Variants in RPS6KA5 observed in about 807,000 individuals in gnomAD.
RPS6KA5 encodes the protein ribosomal protein S6 kinase alpha-5.
A neutral mutation model predicts 85.5 loss-of-function variants in RPS6KA5; 27 were observed. The observed-to-expected ratio is 0.32, with a 90% CI of 0.23 to 0.44. The LOEUF is 0.44. Among genes scored for constraint, RPS6KA5 ranks in the 20% least tolerant of loss-of-function variants. The pLI, the probability that RPS6KA5 is intolerant of heterozygous loss-of-function variation, is 1.00. For synonymous variants in RPS6KA5, 334 were observed against 348.2 expected (o/e 0.96, Z 0.46); for missense variants, 811 against 980.9 (o/e 0.83, Z 2.31).
Position 90,875,241 on chromosome 14 carries a change from G to A in RPS6KA5, c.1956C>T (p.Ala652=), listed in dbSNP as rs778270417. The A allele has an allele frequency of 2.5e-6, 4 of 1,613,666 alleles. No individual in the cohort carries two copies. The East Asian group carries it at 8.9e-5, about 36-fold the overall frequency. Residue 652 remains alanine (A), a synonymous_variant, in exon 15 of 17, where the codon GCC becomes GCT. Coordinates refer to ENST00000614987, the MANE Select transcript of RPS6KA5 (RefSeq NM_004755.4). The part of the protein sequence containing the change: ...KKGDFSFEGE[A]WKNVSQEAKD... ...TAGCCTCTTGGGATACATTCTTCCA[G>A]GCTTCTCCTTCAAAGGAGAAATCTC... is the stretch of plus-strand genomic sequence containing the variant.
At chr14:90,993,707 G>A (rs2040400414) in intron 2 of RPS6KA5, among the ~76,000 whole-genome samples, 1 of 152,020 alleles carries the variant, frequency 6.6e-6, no homozygotes, top group Non-Finnish European at 1.5e-5. Flanking sequence ...TCTGTCTCAT[G>A]TTCATCAGTT....
intron 2 of RPS6KA5, among the ~76,000 whole-genome samples, chr14:91,000,311 A>C (rs1005877499): frequency 1.6e-4 from 24 of 152,212 alleles, no homozygotes; most frequent in African/African-American, 5.5e-4. Flanking sequence ...TAGAACATAG[A>C]GATCCATGTT....
intron 3 of RPS6KA5, among the ~76,000 whole-genome samples, chr14:90,974,425 G>C (rs968897154): frequency 6.6e-6 from 1 of 152,182 alleles, no homozygotes; most frequent in Non-Finnish European, 1.5e-5. Context: ...ATATGAAAAT[G>C]GACTTGTGTG....
intron 2 of RPS6KA5, among the ~76,000 whole-genome samples, chr14:90,986,536 A>G (rs914159185): frequency 4.7e-4 from 72 of 152,232 alleles, no homozygotes; most frequent in African/African-American, 1.6e-3. Flanking sequence ...ATCTCAAAAG[A>G]CAAGCTGTTT....
At chr14:91,035,859 AAAAAAAAAAAAAAAAAAAAAAAC>A (rs2042380513) in intron 1 of RPS6KA5, among the ~76,000 whole-genome samples, 1 of 126,672 alleles carries the variant, frequency 7.9e-6, no homozygotes, top group African/African-American at 2.9e-5. Context: ...AAAAAAAAAA[AAAAAAAAAAAAAAAAAAAAAAAC>A]CCCAAAGCTG....
chr14:90,999,108 T>C (rs778483129), intron 2 of RPS6KA5, among the ~76,000 whole-genome samples: 4 of 152,074 alleles, frequency 2.6e-5, no homozygotes, highest in Non-Finnish European at 4.4e-5. Flanking sequence ...CTCAGGAGGC[T>C]GAGGCAGAAG....
chr14:90,951,545 A>G (rs2038190530), intron 3 of RPS6KA5, among the ~76,000 whole-genome samples: 1 of 152,106 alleles, frequency 6.6e-6, no homozygotes, highest in Admixed American at 6.5e-5. Flanking sequence ...CGCCCATCTA[A>G]AACTTTAATT....
At chr14:90,877,434 A>G (rs2033551314) in intron 14 of RPS6KA5, among the ~76,000 whole-genome samples, 1 of 152,200 alleles carries the variant, frequency 6.6e-6, no homozygotes, top group Admixed American at 6.5e-5. Flanking sequence ...CTGGAGTCTC[A>G]TAACTGATGC....
At chr14:90,982,913 A>T (rs2039859338) in intron 2 of RPS6KA5, among the ~76,000 whole-genome samples, 1 of 152,118 alleles carries the variant, frequency 6.6e-6, no homozygotes, top group African/African-American at 2.4e-5. Flanking sequence ...GGAGATGGAG[A>T]CCATCCTGGC....
At chr14:90,943,224 CA>C in intron 4 of RPS6KA5, 39 bp from the exon 5 acceptor site, 6 of 1,208,396 alleles carry the variant, frequency 5.0e-6, no homozygotes, top group Admixed American at 1.9e-5. Context: ...AAATAATTTA[CA>C]AAAAAATGAA....
At chr14:90,924,628 T>C (rs775736391) in intron 5 of RPS6KA5, among the ~76,000 whole-genome samples, 2 of 152,180 alleles carry the variant, frequency 1.3e-5, no homozygotes, top group Non-Finnish European at 2.9e-5. Flanking sequence ...GTTATCACAG[T>C]TAAAAAAAAT....
chr14:90,991,270 G>A (rs2040295051), intron 2 of RPS6KA5, among the ~76,000 whole-genome samples: 2 of 152,178 alleles, frequency 1.3e-5, no homozygotes, highest in African/African-American at 4.8e-5. Flanking sequence ...CAGAAAGGCA[G>A]ACAGGTTAAG....
intron 1 of RPS6KA5, among the ~76,000 whole-genome samples, chr14:91,033,143 G>A (rs1380514624): frequency 6.6e-6 from 1 of 150,698 alleles, no homozygotes; most frequent in Non-Finnish European, 1.5e-5. Context: ...GCCGACATTG[G>A]GGCGCCACTG....
At chr14:90,893,802 G>A (rs927017430) in intron 13 of RPS6KA5, among the ~76,000 whole-genome samples, 58 of 152,020 alleles carry the variant, frequency 3.8e-4, no homozygotes, top group African/African-American at 1.3e-3. Flanking sequence ...ATACTAAAAA[G>A]GGATCATTCT....
At chr14:90,936,811 T>C (rs2037284175) in intron 5 of RPS6KA5, among the ~76,000 whole-genome samples, 3 of 152,128 alleles carry the variant, frequency 2.0e-5, no homozygotes, top group Admixed American at 6.5e-5. Context: ...AGATTAAATA[T>C]ATTTCCCAGA....
chr14:90,877,666 G>A (rs541018237), intron 14 of RPS6KA5, among the ~76,000 whole-genome samples: 4 of 152,200 alleles, frequency 2.6e-5, no homozygotes, highest in South Asian at 2.1e-4. Context: ...AGGGCTCTGG[G>A]ACTTTCCACA....
intron 2 of RPS6KA5, among the ~76,000 whole-genome samples, chr14:90,993,917 T>C (rs1377936655): frequency 6.6e-6 from 1 of 152,118 alleles, no homozygotes; most frequent in Non-Finnish European, 1.5e-5. Context: ...TATTTTTTTT[T>C]TTTTGAGACA....
At chr14:90,958,287 A>T (rs1237780749) in intron 3 of RPS6KA5, among the ~76,000 whole-genome samples, 1 of 152,228 alleles carries the variant, frequency 6.6e-6, no homozygotes, top group Admixed American at 6.5e-5. Flanking sequence ...TTTTGCATCC[A>T]TAGTTCAACT....
chr14:90,971,026 T>C (rs1286087), intron 3 of RPS6KA5, among the ~76,000 whole-genome samples: 24,554 of 152,058 alleles, frequency 0.16, 2,123 homozygotes, highest in East Asian at 0.32. Flanking sequence ...TAAAATTTTA[T>C]TGGAACTTGG....
Sources: allele counts gnomAD v4.1 joint callset (sites outside exome capture counted in the v4.1 genomes callset), GRCh38; gene constraint gnomAD v4.1.1; transcripts MANE v1.5; gene names NCBI Gene and HGNC (gene_info 2026-07-23, HGNC 2026-07-21).